MUC12: variants seen among roughly 807,000 people sequenced by gnomAD.
MUC12 encodes the protein mucin-12.
A neutral mutation model predicts 230.8 loss-of-function variants in MUC12; 172 were observed. The ratio of observed to expected loss-of-function variants is 0.75; its 90% CI spans 0.66 to 0.85. MUC12 has a LOEUF of 0.85. Among genes scored for constraint, MUC12 ranks in the 40% least tolerant of loss-of-function variants. The pLI is 0.00. For synonymous variants in MUC12, 1,259 were observed against 2,401.9 expected (o/e 0.52, Z 13.91); for missense variants, 3,506 against 5,920.6 (o/e 0.59, Z 13.38).
rs34214710 is a variant in MUC12 at position 100,992,486 on chromosome 7, G to T, written c.1923G>T (p.Lys641Asn). The stretch of plus-strand genomic sequence containing the variant: ...CATTCCATAGCTGGCCAAGCTCAAA[G>T]GACACTAGGCCTGCACCTCCTACTA... ...STTFHSWPSS[K>N]DTRPAPPTTT... is the part of the protein sequence containing the mutation. Residue 641 changes from lysine to asparagine, a missense_variant, in exon 2 of 12, where the codon AAG becomes AAT. Transcript: ENST00000536621. 10 of 1,537,568 alleles carry T rather than the reference G, an allele frequency of 6.5e-6. No homozygotes were observed. The East Asian group carries it at 7.3e-5, about 11-fold the overall frequency.
intron 10 of MUC12, chr7:101,017,360 C>G: frequency 1.8e-6 from 1 of 540,826 alleles, no homozygotes. Context: ...TTCTGCTCCG[C>G]TCCCTCCTGT....
intron 1 of MUC12, among the ~76,000 whole-genome samples, chr7:100,987,306 A>C (rs891114995): frequency 2.0e-5 from 3 of 152,074 alleles, no homozygotes; most frequent in Non-Finnish European, 4.4e-5. Context: ...ACCTCAAGTG[A>C]TCTGCCTGCC....
rs1475116312 is a variant in MUC12, at chr7:101,017,567, C to G, written c.15878-8C>G. 10 of 1,531,234 alleles carry G rather than the reference C, an allele frequency of 6.5e-6. No homozygotes were observed. The highest frequency in any genetic ancestry group is 8.8e-6 in the Non-Finnish European group (10 of 1,142,304). 94.9% of individuals were successfully genotyped at this position (1,531,234 alleles called of 1,614,324 possible). The stretch of plus-strand genomic sequence containing the variant: ...GCTCCCATCACTCATCACGGCCTCT[C>G]CCTACAGACCAGAATCTGAGGGAGA... On this transcript the variant is annotated splice_region_variant and splice_polypyrimidine_tract_variant and intron_variant, in intron 10 of 11. Coordinates refer to ENST00000536621, the MANE Select transcript of MUC12 (RefSeq NM_001164462.2).
At position 101,017,111 on chromosome 7, in the gene MUC12, A is replaced by G. The variant is rs552402806; in HGVS notation, c.15878-464A>G. Among the ~76,000 whole-genome samples, 3 of 151,864 alleles carry G rather than the reference A, an allele frequency of 2.0e-5. No homozygotes were observed. In the South Asian group the frequency reaches 6.2e-4, roughly 32 times the overall value. On this transcript the variant is annotated intron_variant, in intron 10 of 11. Coordinates refer to ENST00000536621, the MANE Select transcript of MUC12 (RefSeq NM_001164462.2). ...GTGCAGGGAGAGCCCCGGAGTCCAG[A>G]GAGTGAGTGGTTCTGCGGGACCAGG...
At chr7:100,990,204 T>C (rs1006466764) in intron 1 of MUC12, among the ~76,000 whole-genome samples, 1 of 152,230 alleles carries the variant, frequency 6.6e-6, no homozygotes, top group Non-Finnish European at 1.5e-5. Context: ...AGCTGAGCTC[T>C]GCCTCTTGTC....
At chr7:100,970,007 T>C (rs1420735369) in intron 1 of MUC12, among the ~76,000 whole-genome samples, 4 of 152,302 alleles carry the variant, frequency 2.6e-5, no homozygotes, top group Non-Finnish European at 4.4e-5. Context: ...ACATAGACAG[T>C]CATCTCTGCC....
At position 101,005,091 on chromosome 7, in the gene MUC12, T is replaced by C. The variant is rs2116344598; in HGVS notation, c.14528T>C (p.Val4843Ala). The part of the protein sequence containing the change: ...LSTVSPASTT[V>A]PGLSEESTTF... ...ACAGTGTCACCTGCCAGCACCACAGTGCCAGGCCTTAGTGAGGAATCTACC... is the reference window on the plus strand; with the variant it reads ...ACAGTGTCACCTGCCAGCACCACAGCGCCAGGCCTTAGTGAGGAATCTACC... Residue 4843 changes from valine to alanine, a missense_variant, in exon 2 of 12, where the codon GTG becomes GCG. Val to Ala is a moderately conservative substitution (Grantham distance 64, BLOSUM62 0). Coordinates refer to ENST00000536621, the MANE Select transcript of MUC12 (RefSeq NM_001164462.2). 2 of 1,537,848 alleles carry C rather than the reference T, an allele frequency of 1.3e-6. No individual in the cohort carries two copies. Among genetic ancestry groups the C allele is most frequent in the East Asian group, 2.4e-5 (1 of 40,902 alleles).
chr7:101,014,243 G>A (rs562474648), intron 9 of MUC12, 169 bp downstream of exon 9: 11 of 672,286 alleles, frequency 1.6e-5, no homozygotes, highest in Admixed American at 1.1e-4. Context: ...AGCAAAGGGC[G>A]GCCTTCCTGT....
Position 100,991,064 on chromosome 7 carries a change from C to T in MUC12, c.501C>T (p.Thr167=), listed in dbSNP as rs374115836. ...CAGGCGTCAGTGAAAAATCAACCAC[C>T]TCCCACAGCCGACCAGGCCCAACGC... ...TSSGVSEKST[T]SHSRPGPTHT... is the part of the protein sequence containing the mutation. Residue 167 remains threonine, a synonymous_variant, in exon 2 of 12, where the codon ACC becomes ACT. Coordinates refer to ENST00000536621, the MANE Select transcript of MUC12 (RefSeq NM_001164462.2). 1.3e-6 allele frequency: 2 copies of T among 1,537,698 alleles called. No individual in the cohort carries two copies. Among genetic ancestry groups the T allele is most frequent in the South Asian group, 1.2e-5 (1 of 84,052 alleles).
chr7:100,991,655 C>T lies in MUC12; in HGVS notation c.1092C>T (p.Ser364=). 6.5e-7 allele frequency: 1 copy of T among 1,537,228 alleles called. No individual in the cohort carries two copies. ...HVEESTAYHR[S]PGSTQTMHFP... is the part of the protein sequence containing the mutation. ...AAGAATCTACAGCCTACCACAGGAG[C>T]CCGGGCTCAACTCAAACAATGCACT... The change falls in exon 2 of 12, where the codon AGC becomes AGT. Residue 364 remains serine, a synonymous_variant. Transcript: ENST00000536621.
intron 1 of MUC12, among the ~76,000 whole-genome samples, chr7:100,988,289 G>GA (rs1167163725): frequency 0.053 from 4,145 of 78,670 alleles, 292 homozygotes; most frequent in East Asian, 0.22. Context: ...GGCTGTCCCA[G>GA]AAAAAAAAAA....
rs994315102 is a variant in MUC12 at position 101,017,547 on chromosome 7, C to T, written c.15878-28C>T. 2.7e-6 allele frequency: 4 copies of T among 1,455,270 alleles called. No homozygotes were observed. In the African/African-American group the frequency reaches 5.6e-5, roughly 20 times the overall value. The allele number at this position is 1,455,270 out of a possible 1,614,324, so 90.1% of individuals were successfully genotyped here. ...CTAGTCCTCCCCCTACCAAGGCTCC[C>T]ATCACTCATCACGGCCTCTCCCTAC... On this transcript the variant is annotated intron_variant, in intron 10 of 11. Coordinates refer to ENST00000536621, the MANE Select transcript of MUC12 (RefSeq NM_001164462.2).
chr7:101,017,878 CT>C (rs201238118), intron 11 of MUC12, among the ~76,000 whole-genome samples: 671 of 38,878 alleles, frequency 0.017, 30 homozygotes, highest in Middle Eastern at 0.052. Flanking sequence ...CTCCCTCCCC[CT>C]GGGACCCCTT....
At chr7:101,008,983 TG>T in intron 4 of MUC12, 111 bp from the exon 5 acceptor site, 1 of 1,349,260 alleles carries the variant, frequency 7.4e-7, no homozygotes, top group Non-Finnish European at 1.0e-6. Flanking sequence ...GTTCCTCCTA[TG>T]GGAGCTTACC....
intron 10 of MUC12, among the ~76,000 whole-genome samples, 165 bp downstream of exon 10, chr7:101,015,856 C>A (rs570592851): frequency 3.3e-5 from 5 of 152,274 alleles, no homozygotes; most frequent in Admixed American, 2.6e-4. Flanking sequence ...CCAGACACCA[C>A]CCCTGCTGTG....
At chr7:101,008,840 G>T in intron 4 of MUC12, 79 bp downstream of exon 4, 1 of 1,467,634 alleles carries the variant, frequency 6.8e-7, no homozygotes, top group Non-Finnish European at 9.1e-7. Flanking sequence ...CCAACTTAGT[G>T]ATCTGAGTTC....
intron 1 of MUC12, among the ~76,000 whole-genome samples, chr7:100,978,070 A>G (rs1793058821): frequency 6.6e-6 from 1 of 152,168 alleles, no homozygotes. Flanking sequence ...CCCTGTTTCC[A>G]AAGAAGGTCG....
chr7:100,988,469 G>A (rs762672046), intron 1 of MUC12, among the ~76,000 whole-genome samples: 1 of 152,014 alleles, frequency 6.6e-6, no homozygotes, highest in Non-Finnish European at 1.5e-5. Context: ...TTCCTGTACG[G>A]CCTGCAGAAC....
chr7:100,971,679 G>T (rs73714299), intron 1 of MUC12, among the ~76,000 whole-genome samples: 299 of 152,400 alleles, frequency 2.0e-3, no homozygotes, highest in African/African-American at 6.8e-3. Context: ...TTATTAATAA[G>T]ACATAGATTC....
Sources: gnomAD v4.1 joint callset for allele counts (sites outside exome capture counted in the v4.1 genomes callset) on GRCh38, gnomAD v4.1.1 for gene constraint, MANE v1.5 for transcripts, NCBI Gene and HGNC (gene_info 2026-07-23, HGNC 2026-07-21) for gene names.